Variants in CSF1R observed in about 807,000 individuals in gnomAD.
CSF1R encodes the protein colony stimulating factor 1 receptor, also known as macrophage colony-stimulating factor 1 receptor.
A neutral mutation model predicts 110.0 loss-of-function variants in CSF1R; 40 were observed. That is an observed-to-expected ratio of 0.36 (90% CI 0.28 to 0.47). CSF1R has a LOEUF of 0.47. Ranked by LOEUF, CSF1R falls within the 20% of genes least tolerant of loss-of-function variation. CSF1R has a pLI of 0.99. For missense variants in CSF1R, 1,052 were observed against 1,253.0 expected, an observed-to-expected ratio of 0.84 and a Z score of 2.42; for synonymous variants, 523 against 503.4, an observed-to-expected ratio of 1.04 and a Z score of -0.52.
intron 1 of CSF1R, among the ~76,000 whole-genome samples, chr5:150,084,406 G>A (rs868223835): frequency 0.019 from 718 of 37,956 alleles, 1 homozygote; most frequent in East Asian, 0.073. Flanking sequence ...AAGGAAGGAA[G>A]GAAGGAAGGA....
At chr5:150,095,082 G>A (rs1321103185) in intron 1 of CSF1R, 23 of 526,308 alleles carry the variant, frequency 4.4e-5, no homozygotes, top group Admixed American at 6.6e-5. Context: ...TAAGCTGGTT[G>A]GTTAATAAAC....
chr5:150,080,173 C>T lies in CSF1R; in HGVS notation c.471G>A (p.Ser157=), dbSNP rs759585681. 55 of 1,613,756 alleles carry T rather than the reference C, an allele frequency of 3.4e-5. No individual in the cohort carries two copies. Among genetic ancestry groups the T allele is most frequent in the African/African-American group, 9.3e-5 (7 of 74,940 alleles). The stretch of plus-strand genomic sequence containing the variant: ...TGTGGATGGTGAAGCCATGCCAGGG[C>T]GAGAAGGAGTAGTTGGTGTGGCGCA... ...PLMRHTNYSF[S]PWHGFTIHRA... Residue 157 remains serine (S), a synonymous_variant, in exon 3 of 21, where the codon TCG becomes TCA. Coordinates refer to ENST00000675795, the MANE Select transcript of CSF1R (RefSeq NM_001288705.3).
intron 1 of CSF1R, among the ~76,000 whole-genome samples, chr5:150,104,857 C>T (rs1302116002): frequency 6.6e-6 from 1 of 151,830 alleles, no homozygotes; most frequent in Non-Finnish European, 1.5e-5. Flanking sequence ...ATTTAGAGGC[C>T]TAATCCTTAC....
upstream of CSF1R, among the ~76,000 whole-genome samples, chr5:150,086,922 G>T (rs1160806306): frequency 6.6e-6 from 1 of 152,126 alleles, no homozygotes; most frequent in Non-Finnish European, 1.5e-5. Flanking sequence ...CTGATGTCCT[G>T]GCTTACAACT....
rs1758310295 is a variant in CSF1R, at chr5:150,077,335, G to A, written c.830C>T (p.Ser277Phe). 2 of 1,614,100 alleles carry A rather than the reference G, an allele frequency of 1.2e-6. No individual in the cohort carries two copies. Among genetic ancestry groups the A allele is most frequent in the Non-Finnish European group, 1.7e-6 (2 of 1,180,044 alleles). Residue 277 changes from serine (S) to phenylalanine (F), a missense_variant, in exon 5 of 21, where the codon TCC becomes TTC. By Grantham distance (155) the Ser-to-Phe change is radical. This residue lies in a region of CSF1R where 693 missense variants were observed against 735.4 expected (regional missense o/e 0.94). Transcript: ENST00000675795. ...QVDFQHAGNY[S>F]CVASNVQGKH... ...GCCCTGCACGTTGCTGGCCACGCAG[G>A]AGTAGTTGCCGGCATGTTGGAAATC...
chr5:150,104,758 T>C (rs1033008463), intron 1 of CSF1R, among the ~76,000 whole-genome samples: 4 of 152,170 alleles, frequency 2.6e-5, no homozygotes, highest in Non-Finnish European at 5.9e-5. Flanking sequence ...TGATTTTAGA[T>C]GTATGAAGAG....
In CSF1R at chr5:150,091,852, CAAAAAAAAAAAAAAAAA is replaced by C. The variant is rs57967086; in HGVS notation, c.-180-5262_-180-5246del. Among the ~76,000 whole-genome samples, 5 of 71,230 alleles carry C rather than the reference CAAAAAAAAAAAAAAAAA, an allele frequency of 7.0e-5. No homozygotes were observed. The South Asian group carries it at 2.5e-3, about 36-fold the overall frequency. The allele number at this position is 71,230 out of a possible 152,430, so 46.7% of individuals were successfully genotyped here. A position where few individuals can be genotyped will look rare whatever the true frequency, so the allele number is the denominator to read the frequency against. On this transcript the variant is annotated intron_variant, in intron 1 of 21. Coordinates refer to the CSF1R transcript ENST00000286301. ...TTCATTGCCAGCAGACCCATACTAC[CAAAAAAAAAAAAAAAAA>C]AAAAAAAAAATCCTAAGGGAAGTTC...
At chr5:150,061,898 C>T (rs1301338243) in intron 10 of CSF1R, 49 bp from the exon 11 acceptor site, 5 of 1,611,696 alleles carry the variant, frequency 3.1e-6, no homozygotes, top group South Asian at 1.1e-5. Flanking sequence ...GCAGGCAGTT[C>T]CTGGACCTTG....
At chr5:150,084,355 G>A (rs1170187107) in intron 1 of CSF1R, among the ~76,000 whole-genome samples, 1 of 32,484 alleles carries the variant, frequency 3.1e-5, no homozygotes, top group African/African-American at 1.8e-4. Context: ...AAGAAAGAAA[G>A]AAAGAAAGAA....
chr5:150,071,888 C>A (rs1758049706), intron 6 of CSF1R, among the ~76,000 whole-genome samples: 1 of 152,172 alleles, frequency 6.6e-6, no homozygotes, highest in African/African-American at 2.4e-5. Flanking sequence ...AAGAAAACAT[C>A]CTTGTTGCTT....
intron 1 of CSF1R, among the ~76,000 whole-genome samples, chr5:150,109,060 C>CCCCCCCT (rs1554106348): frequency 1.3e-4 from 2 of 15,530 alleles, no homozygotes; most frequent in Non-Finnish European, 3.6e-4. Context: ...AGAAGCCCGC[C>CCCCCCCT]CCCCCCCCAC....
chr5:150,080,773 CAT>C lies in CSF1R; in HGVS notation c.299_300del (p.Tyr100CysfsTer130). ...PLGGSAAIHL[Y>X]VKDPARPWNV... ...GGAGGCTCAGACTCCTCACCTTTGA[CAT>C]AGAGGTGGATGGCGGCGCTGCCTCC... On this transcript the variant is annotated frameshift_variant, in exon 2 of 21. Transcript: ENST00000675795. LOFTEE classifies it high-confidence loss of function. 6.2e-7 allele frequency: 1 copy of C among 1,614,116 alleles called. No homozygotes were observed. Among genetic ancestry groups the C allele is most frequent in the Non-Finnish European group, 8.5e-7 (1 of 1,180,000 alleles).
At chr5:150,111,147 GTGCCCTGATTCA>G (rs1447235836) in intron 1 of CSF1R, among the ~76,000 whole-genome samples, 1 of 152,214 alleles carries the variant, frequency 6.6e-6, no homozygotes, top group African/African-American at 2.4e-5. Context: ...GTTAGAGACG[GTGCCCTGATTCA>G]AAGAAGAAGG....
At chr5:150,085,393 T>A (rs932024396) in intron 1 of CSF1R, among the ~76,000 whole-genome samples, 1 of 150,204 alleles carries the variant, frequency 6.7e-6, no homozygotes, top group African/African-American at 2.5e-5. Flanking sequence ...GGCCTTAGGG[T>A]CCTTCTGTGA....
At chr5:150,106,678 T>A (rs1159191339) in intron 1 of CSF1R, among the ~76,000 whole-genome samples, 1 of 152,172 alleles carries the variant, frequency 6.6e-6, no homozygotes, top group African/African-American at 2.4e-5. Context: ...ATCAAGGCCA[T>A]ACCCTGTAGC....
chr5:150,084,661 C>T (rs530512254), intron 1 of CSF1R, among the ~76,000 whole-genome samples: 1 of 151,866 alleles, frequency 6.6e-6, no homozygotes, highest in East Asian at 2.0e-4. Flanking sequence ...ACCATATTGG[C>T]GAGGCTGGTC....
chr5:150,112,852 G>A (rs927835018), intron 1 of CSF1R, among the ~76,000 whole-genome samples: 7 of 152,168 alleles, frequency 4.6e-5, no homozygotes, highest in Non-Finnish European at 1.0e-4. Context: ...GACTCCTGGA[G>A]GCAGTCCAGG....
upstream of CSF1R, among the ~76,000 whole-genome samples, chr5:150,089,728 T>C (rs988046355): frequency 1.3e-5 from 2 of 152,212 alleles, no homozygotes; most frequent in African/African-American, 4.8e-5. Context: ...TCGAGGGACA[T>C]TGAATATGCA....
At chr5:150,077,772 G>A (rs1169294585) in intron 4 of CSF1R, among the ~76,000 whole-genome samples, 2 of 152,082 alleles carry the variant, frequency 1.3e-5, no homozygotes, top group Admixed American at 1.3e-4. Context: ...TATATTCCTG[G>A]GCTTCAATGG....
Sources: gnomAD v4.1 joint callset for allele counts (sites outside exome capture counted in the v4.1 genomes callset) on GRCh38, gnomAD v4.1.1 for gene constraint, gnomAD v4.1.1 regional missense constraint, MANE v1.5 for transcripts, NCBI Gene and HGNC (gene_info 2026-07-23, HGNC 2026-07-21) for gene names.